GRAMD2B: variants seen among roughly 807,000 people sequenced by gnomAD.
GRAMD2B encodes GRAM domain containing 2B.
A neutral mutation model predicts 59.2 loss-of-function variants in GRAMD2B; 41 were observed. The ratio of observed to expected loss-of-function variants is 0.69; its 90% CI spans 0.54 to 0.90. The LOEUF (loss-of-function observed/expected upper bound fraction) is 0.90. GRAMD2B is among the 40% of genes least tolerant of loss of function. The pLI is 0.00. For missense variants in GRAMD2B, 424 were observed against 500.5 expected (o/e 0.85, Z 1.46); for synonymous variants, 161 against 182.7 (o/e 0.88, Z 0.96).
chr5:126,410,071 A>G (rs1410006647), intron 1 of GRAMD2B, among the ~76,000 whole-genome samples: 1 of 151,884 alleles, frequency 6.6e-6, no homozygotes, highest in Non-Finnish European at 1.5e-5. Context: ...TACCAGTACC[A>G]TGCTGTTTTG....
chr5:126,476,996 T>G (rs961634277), intron 5 of GRAMD2B, among the ~76,000 whole-genome samples: 12 of 152,172 alleles, frequency 7.9e-5, no homozygotes, highest in Non-Finnish European at 1.6e-4. Flanking sequence ...AGATACAGGT[T>G]GAGAATCCCC....
chr5:126,406,394 A>C (rs1428542868), intron 1 of GRAMD2B, among the ~76,000 whole-genome samples: 1 of 151,866 alleles, frequency 6.6e-6, no homozygotes, highest in East Asian at 1.9e-4. Context: ...GATTTAACTT[A>C]TATATATTAA....
chr5:126,458,558 T>C (rs1212932508), intron 1 of GRAMD2B, among the ~76,000 whole-genome samples: 1 of 152,156 alleles, frequency 6.6e-6, no homozygotes, highest in Non-Finnish European at 1.5e-5. Context: ...GGGACTACCA[T>C]ATTCAAAATG....
intron 1 of GRAMD2B, among the ~76,000 whole-genome samples, chr5:126,381,908 C>CCCTCAGACAAA (rs1755692888): frequency 1.3e-5 from 2 of 152,088 alleles, no homozygotes; most frequent in African/African-American, 4.8e-5. Context: ...ATTCCCTCAG[C>CCCTCAGACAAA]ATTTGTTTGT....
intron 2 of GRAMD2B, among the ~76,000 whole-genome samples, chr5:126,466,521 G>A (rs557026102): frequency 4.7e-4 from 72 of 152,056 alleles, no homozygotes; most frequent in Non-Finnish European, 7.6e-4. Flanking sequence ...CGCCTCCCAG[G>A]TTCAAGCGAT....
At chr5:126,440,852 T>C (rs1763164178) in intron 1 of GRAMD2B, among the ~76,000 whole-genome samples, 1 of 152,188 alleles carries the variant, frequency 6.6e-6, no homozygotes, top group African/African-American at 2.4e-5. Flanking sequence ...ATAGCATTCA[T>C]GAAAGGTGGC....
chr5:126,462,178 C>T (rs1429795428), intron 1 of GRAMD2B, among the ~76,000 whole-genome samples: 1 of 152,206 alleles, frequency 6.6e-6, no homozygotes, highest in African/African-American at 2.4e-5. Flanking sequence ...AAGTCCGTAA[C>T]AGGGCTTTGT....
Position 126,484,543 on chromosome 5 carries a change from A to G in GRAMD2B, c.970+19A>G, listed in dbSNP as rs770517115. The G allele has an allele frequency of 3.8e-6, 6 of 1,596,336 alleles. No homozygotes were observed. Among genetic ancestry groups the G allele is most frequent in the Middle Eastern group, 1.7e-4 (1 of 5,728 alleles). On this transcript the variant is annotated intron_variant, in intron 10 of 13. Transcript: ENST00000285689. Reference sequence around the variant, plus strand: ...GTACAGGGTAAGGAATGGATGTCTCAGGGGGGTGGGTTTAGAAGGATTGGA... The same window carrying G: ...GTACAGGGTAAGGAATGGATGTCTCGGGGGGGTGGGTTTAGAAGGATTGGA...
At chr5:126,437,070 T>G (rs971954296) in intron 1 of GRAMD2B, among the ~76,000 whole-genome samples, 1 of 152,212 alleles carries the variant, frequency 6.6e-6, no homozygotes, top group Non-Finnish European at 1.5e-5. Flanking sequence ...GAAGGAGGTC[T>G]GGTTTATCTA....
intron 10 of GRAMD2B, among the ~76,000 whole-genome samples, chr5:126,484,813 A>C (rs1180010310): frequency 2.6e-5 from 4 of 151,686 alleles, no homozygotes; most frequent in Non-Finnish European, 4.4e-5. Context: ...CGAACTCCTG[A>C]CCTCTAGTGA....
intron 1 of GRAMD2B, among the ~76,000 whole-genome samples, chr5:126,425,314 A>G (rs1255498287): frequency 2.0e-5 from 3 of 152,268 alleles, no homozygotes; most frequent in Non-Finnish European, 4.4e-5. Context: ...GGATAAAGGG[A>G]TAAGAAAATG....
chr5:126,387,976 A>C (rs745804945), intron 1 of GRAMD2B, among the ~76,000 whole-genome samples: 2 of 152,174 alleles, frequency 1.3e-5, no homozygotes, highest in Non-Finnish European at 2.9e-5. Flanking sequence ...CATTGTTTGC[A>C]CCTAATTTTG....
intron 12 of GRAMD2B, 149 bp from the exon 13 acceptor site, chr5:126,488,649 AC>A (rs1773395089): frequency 6.1e-6 from 3 of 492,566 alleles, no homozygotes; most frequent in Admixed American, 3.8e-5. Flanking sequence ...GTTGCGGATT[AC>A]TGCAGGGCTT....
At chr5:126,423,079 G>T (rs1759920240), upstream of GRAMD2B, 2 of 776,302 alleles carry the variant, frequency 2.6e-6, no homozygotes, top group Non-Finnish European at 3.1e-6. Flanking sequence ...TTAGGATGGG[G>T]CATAGGCCAG....
In GRAMD2B at chr5:126,394,191, A is replaced by C. The variant is rs1010092202; in HGVS notation, c.125+22624A>C. ...TCGGGAGGCTGAGGCAGGAGAATGGAGTGAACCCGGGAGGCAGAGCTTGCA... is the reference window on the plus strand; with the variant it reads ...TCGGGAGGCTGAGGCAGGAGAATGGCGTGAACCCGGGAGGCAGAGCTTGCA... On this transcript the variant is annotated intron_variant, in intron 1 of 8. Transcript: ENST00000506445. 5.3e-5 allele frequency among the ~76,000 whole-genome samples: 8 copies of C among 151,266 alleles called. No individual in the cohort carries two copies. The South Asian group carries it at 6.3e-4, about 12-fold the overall frequency.
rs1397072770 is a variant in GRAMD2B, at chr5:126,480,531, A to C, written c.654+4A>C. 2 of 1,611,440 alleles carry C rather than the reference A, an allele frequency of 1.2e-6. No homozygotes were observed. Among genetic ancestry groups the C allele is most frequent in the Non-Finnish European group, 1.7e-6 (2 of 1,177,514 alleles). On this transcript the variant is annotated splice_donor_region_variant and intron_variant, in intron 7 of 13. Transcript: ENST00000285689. ...ATCTGTGTGTGGACACTTAGAAGTG[A>C]GTATGATGTCCCTGAGCCTCAATTA...
At chr5:126,477,834 C>G in intron 6 of GRAMD2B, 47 bp downstream of exon 6, 1 of 1,076,704 alleles carries the variant, frequency 9.3e-7, no homozygotes, top group Non-Finnish European at 1.5e-6. Context: ...TCCTCCTGCT[C>G]TGGGCTCTGC....
chr5:126,436,930 A>G (rs749956533), intron 1 of GRAMD2B, among the ~76,000 whole-genome samples: 4 of 152,252 alleles, frequency 2.6e-5, no homozygotes, highest in Non-Finnish European at 5.9e-5. Context: ...AGACACAGTG[A>G]TGTGAAACAG....
At chr5:126,491,934 C>T (rs945623510) in intron 13 of GRAMD2B, among the ~76,000 whole-genome samples, 1 of 152,164 alleles carries the variant, frequency 6.6e-6, no homozygotes, top group Non-Finnish European at 1.5e-5. Flanking sequence ...AGAGTTTCAC[C>T]ATGTTGGCCA....
Sources: gnomAD v4.1 joint callset for allele counts (sites outside exome capture counted in the v4.1 genomes callset) on GRCh38, gnomAD v4.1.1 for gene constraint, MANE v1.5 for transcripts, NCBI Gene and HGNC (gene_info 2026-07-23, HGNC 2026-07-21) for gene names.